The following LIMCH1 variants were observed in gnomAD, a reference collection of about 807,000 sequenced individuals.
LIMCH1 encodes the protein LIM and calponin homology domains 1, also known as LIM and calponin homology domains-containing protein 1.
A neutral mutation model predicts 176.5 loss-of-function variants in LIMCH1; 113 were observed. That is an observed-to-expected ratio of 0.64 (90% CI 0.55 to 0.75). LIMCH1 has a LOEUF of 0.75. Ranked by LOEUF, LIMCH1 falls within the 30% of genes least tolerant of loss-of-function variation. LIMCH1 has a pLI of 0.00. For missense variants in LIMCH1, 1,674 were observed against 1,814.9 expected (o/e 0.92, Z 1.41); for synonymous variants, 619 against 645.9 (o/e 0.96, Z 0.63).
At chr4:41,504,740 T>C (rs2073924318) in intron 2 of LIMCH1, among the ~76,000 whole-genome samples, 1 of 152,260 alleles carries the variant, frequency 6.6e-6, no homozygotes, top group African/African-American at 2.4e-5. Context: ...TCCCCACTCC[T>C]TTCTTCCATT....
At chr4:41,611,190 GCAGTTACCTA>G (rs2152790008) in intron 4 of LIMCH1, among the ~76,000 whole-genome samples, 1 of 151,524 alleles carries the variant, frequency 6.6e-6, no homozygotes, top group East Asian at 1.9e-4. Context: ...CCATTGTGTT[GCAGTTACCTA>G]CAGTATTCAG....
chr4:41,425,691 C>CCT (rs890048650), intron 1 of LIMCH1, among the ~76,000 whole-genome samples: 3 of 152,190 alleles, frequency 2.0e-5, no homozygotes, highest in African/African-American at 7.2e-5. Flanking sequence ...TTTTCTTTTG[C>CCT]CTGCTGCCTC....
rs1273723133 is a variant in LIMCH1 at position 41,434,289 on chromosome 4, G to A, written c.97-60247G>A. ...CAGCCAGTGGCACTCTAAGGCCCTG[G>A]CCACCAGCTGTAGACATCAGCTACA... On this transcript the variant is annotated intron_variant, in intron 1 of 26. Coordinates refer to the LIMCH1 transcript ENST00000313860. Among the ~76,000 whole-genome samples, 4 of 152,186 alleles carry A rather than the reference G, an allele frequency of 2.6e-5. No homozygotes were observed. The East Asian group carries it at 5.8e-4, about 22-fold the overall frequency.
chr4:41,472,020 A>G (rs2067031436), intron 1 of LIMCH1, among the ~76,000 whole-genome samples: 1 of 152,102 alleles, frequency 6.6e-6, no homozygotes, highest in South Asian at 2.1e-4. Context: ...ATGGTGTGCA[A>G]TTTTAATTCC....
At chr4:41,694,331 C>T (rs1459983724) in intron 31 of LIMCH1, among the ~76,000 whole-genome samples, 1 of 152,266 alleles carries the variant, frequency 6.6e-6, no homozygotes, top group Middle Eastern at 3.4e-3. Flanking sequence ...CCATTGTAAT[C>T]ACCTTCCAAT....
At chr4:41,539,576 TCTC>T (rs2152468983) in intron 1 of LIMCH1, among the ~76,000 whole-genome samples, 1 of 152,238 alleles carries the variant, frequency 6.6e-6, no homozygotes, top group South Asian at 2.1e-4. Flanking sequence ...TGCCAATACA[TCTC>T]CTCAATCTAA....
At chr4:41,695,101 A>G (rs1488838093) in intron 31 of LIMCH1, among the ~76,000 whole-genome samples, 1 of 152,050 alleles carries the variant, frequency 6.6e-6, no homozygotes, top group African/African-American at 2.4e-5. Context: ...AGTTCTTTGC[A>G]AATTAAAGAA....
intron 21 of LIMCH1, 64 bp from the exon 22 acceptor site, chr4:41,671,490 A>G: frequency 7.1e-7 from 1 of 1,415,696 alleles, no homozygotes; most frequent in Admixed American, 1.7e-5. Context: ...ATAGGTCAAA[A>G]ACAAAGACAA....
chr4:41,489,131 T>A (rs954801867), intron 1 of LIMCH1, among the ~76,000 whole-genome samples: 4 of 152,156 alleles, frequency 2.6e-5, no homozygotes, highest in African/African-American at 9.7e-5. Context: ...GTCATTGCTG[T>A]CATTCTTGAT....
At position 41,577,293 on chromosome 4, in the gene LIMCH1, A is replaced by C. The variant is rs532971611; in HGVS notation, c.-240-21627A>C. Among the ~76,000 whole-genome samples the C allele has an allele frequency of 2.0e-5, 3 of 152,322 alleles. No homozygotes were observed. The East Asian group carries it at 5.8e-4, about 29-fold the overall frequency. On this transcript the variant is annotated intron_variant, in intron 1 of 31. Transcript: ENST00000503057. Reference sequence around the variant, plus strand: ...TTTCTGTACTTTTTTAACCATGTGAATAAACTACCTATTAGGAAAGCCCAG... The same window carrying C: ...TTTCTGTACTTTTTTAACCATGTGACTAAACTACCTATTAGGAAAGCCCAG...
intron 1 of LIMCH1, among the ~76,000 whole-genome samples, chr4:41,372,022 T>C (rs1369135985): frequency 1.3e-5 from 2 of 152,148 alleles, no homozygotes; most frequent in Admixed American, 6.5e-5. Context: ...CAAAATAGGA[T>C]AGTAGAGGTG....
At chr4:41,640,977 G>A (rs1585204038) in intron 14 of LIMCH1, among the ~76,000 whole-genome samples, 1 of 152,134 alleles carries the variant, frequency 6.6e-6, no homozygotes, top group African/African-American at 2.4e-5. Flanking sequence ...CCCAATACCT[G>A]GCCCACCAAA....
intron 1 of LIMCH1, among the ~76,000 whole-genome samples, chr4:41,410,134 C>A (rs1300934500): frequency 6.6e-6 from 1 of 151,980 alleles, no homozygotes; most frequent in African/African-American, 2.4e-5. Flanking sequence ...AATGAAAGCA[C>A]AGGGAAAAAA....
intron 31 of LIMCH1, among the ~76,000 whole-genome samples, chr4:41,696,786 GAA>G (rs1480884121): frequency 6.6e-6 from 1 of 152,092 alleles, no homozygotes; most frequent in African/African-American, 2.4e-5. Flanking sequence ...AAAACCTAAG[GAA>G]ACTGAGAGAA....
Position 41,650,563 on chromosome 4 carries a change from C to G in LIMCH1, c.2991C>G (p.Ile997Met), listed in dbSNP as rs150722592. 3.7e-6 allele frequency: 6 copies of G among 1,613,892 alleles called. No homozygotes were observed. In the African/African-American group the frequency reaches 4.0e-5, roughly 11 times the overall value. The change falls in exon 18 of 32, where the codon ATC becomes ATG. Residue 997 changes from isoleucine to methionine, a missense_variant. Coordinates refer to ENST00000503057, the MANE Select transcript of LIMCH1 (RefSeq NM_001330672.2). Reference protein sequence around the residue: ...PLELKQDNGSIEINIKKPNSV... With the variant: ...PLELKQDNGSMEINIKKPNSV... ...AGCTGAAACAAGACAACGGTAGCATCGAGATCAACATAAAGAAGCCAAACT... is the reference window on the plus strand; with the variant it reads ...AGCTGAAACAAGACAACGGTAGCATGGAGATCAACATAAAGAAGCCAAACT...
chr4:41,664,662 G>A (rs1436964565), intron 20 of LIMCH1, among the ~76,000 whole-genome samples: 1 of 152,128 alleles, frequency 6.6e-6, no homozygotes, highest in Non-Finnish European at 1.5e-5. Flanking sequence ...GGAAAAATCT[G>A]TATCATTGCA....
At chr4:41,531,030 C>T (rs1347273535) in intron 3 of LIMCH1, among the ~76,000 whole-genome samples, 1 of 151,860 alleles carries the variant, frequency 6.6e-6, no homozygotes, top group Non-Finnish European at 1.5e-5. Flanking sequence ...ATGTCACCAG[C>T]TTTCCAACTA....
chr4:41,631,150 A>C lies in LIMCH1; in HGVS notation c.1274A>C (p.Asp425Ala). ...ERLKVSEKAR[D>A]GDVQHICASE... is the part of the protein sequence containing the mutation. ...AACTTATTTCTGGTTTTGACTAGGG[A>C]TGGAGATGTTCAGCACATCTGTGCT... is the stretch of plus-strand genomic sequence containing the variant. Residue 425 changes from aspartate to alanine, a missense_variant and splice_region_variant, in exon 10 of 32, where the codon GAT (aspartate) becomes GCT (alanine). Asp to Ala is a moderately radical substitution (Grantham distance 126, BLOSUM62 -2). Coordinates refer to ENST00000503057, the MANE Select transcript of LIMCH1 (RefSeq NM_001330672.2). The C allele has an allele frequency of 6.6e-7, 1 of 1,522,234 alleles. No individual in the cohort carries two copies. Among genetic ancestry groups the C allele is most frequent in the Non-Finnish European group, 8.8e-7 (1 of 1,140,416 alleles). The allele number at this position is 1,522,234 out of a possible 1,614,324, so 94.3% of individuals were successfully genotyped here. A position where few individuals can be genotyped will look rare whatever the true frequency, so the allele number is the denominator to read the frequency against.
At chr4:41,565,398 GAC>G (rs147927797) in intron 1 of LIMCH1, among the ~76,000 whole-genome samples, 4,334 of 131,192 alleles carry the variant, frequency 0.033, 122 homozygotes, top group African/African-American at 0.082. Flanking sequence ...CACACACACA[GAC>G]ACACACACAC....
Sources: allele counts gnomAD v4.1 joint callset (sites outside exome capture counted in the v4.1 genomes callset), GRCh38; gene constraint gnomAD v4.1.1; transcripts MANE v1.5; gene names NCBI Gene and HGNC (gene_info 2026-07-23, HGNC 2026-07-21).